The following FKBP9 variants were observed in gnomAD, a reference collection of about 807,000 sequenced individuals.
FKBP9 encodes peptidyl-prolyl cis-trans isomerase FKBP9.
Under a neutral mutation model 55.6 loss-of-function variants are expected in FKBP9, and 27 were observed. The observed-to-expected ratio is 0.49, with a 90% CI of 0.36 to 0.67. The LOEUF is 0.67. FKBP9 is among the 30% of genes least tolerant of loss of function. FKBP9 has a pLI of 0.00. For synonymous variants in FKBP9, 267 were observed against 296.5 expected, an observed-to-expected ratio of 0.90 and a Z score of 1.02; for missense variants, 539 against 742.8, an observed-to-expected ratio of 0.73 and a Z score of 3.19.
intron 5 of FKBP9, among the ~76,000 whole-genome samples, chr7:32,984,080 C>T (rs1395756963): frequency 6.6e-6 from 1 of 152,138 alleles, no homozygotes; most frequent in East Asian, 1.9e-4. Flanking sequence ...CATTAGACTT[C>T]CTCATTATGG....
intron 1 of FKBP9, among the ~76,000 whole-genome samples, chr7:32,959,511 G>A (rs1783977201): frequency 3.3e-5 from 5 of 152,184 alleles, no homozygotes; most frequent in Admixed American, 6.5e-5. Context: ...GTGTTTTTTA[G>A]TATATTCACA....
chr7:33,005,045 G>T (rs1390980170), intron 9 of FKBP9, 130 bp from the exon 10 acceptor site: 1 of 1,434,640 alleles, frequency 7.0e-7, no homozygotes, highest in Non-Finnish European at 9.3e-7. Flanking sequence ...CTGCCAAAAA[G>T]ATCTTGTCTG....
intron 7 of FKBP9, 67 bp downstream of exon 7, chr7:32,996,416 C>T: frequency 9.4e-7 from 1 of 1,063,842 alleles, no homozygotes; most frequent in Non-Finnish European, 1.4e-6. Context: ...CCACCATCCT[C>T]CTCTCTTGGG....
intron 5 of FKBP9, among the ~76,000 whole-genome samples, chr7:32,981,896 CA>C (rs535925227): frequency 0.16 from 15,213 of 98,106 alleles, 1,002 homozygotes; most frequent in East Asian, 0.45. Flanking sequence ...GACTCTGTCT[CA>C]AAAAAAAAAA....
chr7:32,979,567 G>C (rs1784431519), intron 4 of FKBP9: 2 of 1,550,248 alleles, frequency 1.3e-6, no homozygotes, highest in African/African-American at 2.7e-5. Context: ...TCCTTTGCAT[G>C]ATATAACAAA....
chr7:32,997,699 G>A (rs903785184), intron 7 of FKBP9, among the ~76,000 whole-genome samples: 8 of 152,168 alleles, frequency 5.3e-5, no homozygotes, highest in Non-Finnish European at 8.8e-5. Flanking sequence ...GTAGTGGCGG[G>A]CAAATGTAAT....
chr7:32,958,459 T>G (rs1051193166), intron 1 of FKBP9, among the ~76,000 whole-genome samples: 1 of 152,216 alleles, frequency 6.6e-6, no homozygotes, highest in African/African-American at 2.4e-5. Flanking sequence ...CTCCAGAGTC[T>G]GTGTGCGCAA....
chr7:32,995,539 T>C (rs1169529617), intron 6 of FKBP9, among the ~76,000 whole-genome samples: 2 of 152,202 alleles, frequency 1.3e-5, no homozygotes, highest in African/African-American at 4.8e-5. Context: ...TAAAACATTA[T>C]TCAGATGTGA....
chr7:32,996,173 C>T lies in FKBP9; in HGVS notation c.1050C>T (p.Pro350=), dbSNP rs141599926. ...GYGEEGRGNI[P]GSAVLVFDIH... ...GTGTCTGTCCTTTAGGGAATATCCC[C>T]GGCTCGGCTGTGCTGGTGTTTGACA... Residue 350 remains proline, a synonymous_variant, in exon 7 of 10, where the codon CCC becomes CCT. Transcript: ENST00000242209. 0.014 allele frequency: 23,096 copies of T among 1,614,016 alleles called. 209 individuals are homozygous for T. The highest frequency in any genetic ancestry group is 0.024 in the South Asian group (2,158 of 91,078).
chr7:32,961,966 G>T (rs1449459074), intron 1 of FKBP9, among the ~76,000 whole-genome samples: 1 of 151,862 alleles, frequency 6.6e-6, no homozygotes, highest in Non-Finnish European at 1.5e-5. Context: ...AATAATAATG[G>T]AAATAAAGTG....
In FKBP9 at chr7:32,975,172, T is replaced by G; in HGVS notation, c.368-10T>G. ...AACTGTGAACTCAGTGTGTAATCTT[T>G]AATTTCTAGCTGGTGTGATCCCCCC... is the stretch of plus-strand genomic sequence containing the variant. On this transcript the variant is annotated splice_polypyrimidine_tract_variant and intron_variant, in intron 2 of 9. Coordinates refer to ENST00000242209, the MANE Select transcript of FKBP9 (RefSeq NM_007270.5). The G allele has an allele frequency of 1.2e-6, 2 of 1,610,486 alleles. No homozygotes were observed. The highest frequency in any genetic ancestry group is 1.7e-6 in the Non-Finnish European group (2 of 1,176,774).
intron 5 of FKBP9, among the ~76,000 whole-genome samples, chr7:32,981,731 A>G (rs1312835106): frequency 6.6e-6 from 1 of 151,974 alleles, no homozygotes; most frequent in Non-Finnish European, 1.5e-5. Context: ...AGTATGCATT[A>G]AGATATGTTG....
intron 1 of FKBP9, among the ~76,000 whole-genome samples, chr7:32,965,294 C>T (rs1445606771): frequency 6.6e-6 from 1 of 151,918 alleles, no homozygotes; most frequent in Non-Finnish European, 1.5e-5. Context: ...CCACACCTGG[C>T]TAATTTTTGT....
rs527552431 is a variant in FKBP9 at position 32,957,463 on chromosome 7, C to G, written c.-111C>G. On this transcript the variant is annotated 5_prime_UTR_variant, in exon 1 of 10. Coordinates refer to ENST00000242209, the MANE Select transcript of FKBP9 (RefSeq NM_007270.5). The stretch of plus-strand genomic sequence containing the variant: ...GGGAGACGGGGTGGCGGCTGCAGCC[C>G]GGGTAGGGCCAGGAGACCCGGTCCA... The G allele has an allele frequency of 3.4e-5, 27 of 785,404 alleles. No individual in the cohort carries two copies. The Admixed American group carries it at 8.3e-4, about 24-fold the overall frequency. The allele number at this position is 785,404 out of a possible 1,614,324, so 48.7% of individuals were successfully genotyped here. A position where few individuals can be genotyped will look rare whatever the true frequency, so the allele number is the denominator to read the frequency against.
intron 5 of FKBP9, among the ~76,000 whole-genome samples, chr7:32,987,020 C>T (rs1370370464): frequency 1.3e-5 from 2 of 152,244 alleles, no homozygotes; most frequent in African/African-American, 4.8e-5. Flanking sequence ...CAGTAGTTTA[C>T]ACACAGGCTG....
At chr7:32,961,483 A>C (rs1014839805) in intron 1 of FKBP9, among the ~76,000 whole-genome samples, 2 of 152,208 alleles carry the variant, frequency 1.3e-5, no homozygotes, top group African/African-American at 4.8e-5. Flanking sequence ...CCACACTTTG[A>C]GAACCACTGC....
intron 5 of FKBP9, 88 bp downstream of exon 5, chr7:32,980,641 C>G (rs776459896): frequency 6.6e-7 from 1 of 1,523,654 alleles, no homozygotes; most frequent in Non-Finnish European, 8.8e-7. Context: ...AATACTCTGT[C>G]CATGCTGATT....
chr7:32,965,852 CAGATATATATATAT>C lies in FKBP9; in HGVS notation c.221+8060_221+8073del, dbSNP rs1562563046. On this transcript the variant is annotated intron_variant, in intron 1 of 9. Transcript: ENST00000242209. ...ATATATATATATATATATGTGTGTA[CAGATATATATATAT>C]ACATACATATATATATATAGAGAGA... is the stretch of plus-strand genomic sequence containing the variant. 2.9e-4 allele frequency among the ~76,000 whole-genome samples: 10 copies of C among 33,990 alleles called. No homozygotes were observed. The South Asian group carries it at 0.011, about 37-fold the overall frequency. 22.3% of individuals were successfully genotyped at this position (33,990 alleles called of 152,430 possible).
chr7:32,996,442 A>G, intron 7 of FKBP9, 93 bp downstream of exon 7: 1 of 738,478 alleles, frequency 1.4e-6, no homozygotes, highest in Non-Finnish European at 2.3e-6. Flanking sequence ...GCTGGTTGAG[A>G]GCTTTTATCT....
Sources: gnomAD v4.1 joint callset for allele counts (sites outside exome capture counted in the v4.1 genomes callset) on GRCh38, gnomAD v4.1.1 for gene constraint, MANE v1.5 for transcripts, NCBI Gene and HGNC (gene_info 2026-07-23, HGNC 2026-07-21) for gene names.